PCYT1A: variants seen among roughly 807,000 people sequenced by gnomAD.
PCYT1A encodes choline-phosphate cytidylyltransferase A.
PCYT1A carries 25 observed loss-of-function variants against 43.7 expected under a neutral mutation model. That is an observed-to-expected ratio of 0.57 (90% CI 0.42 to 0.80). PCYT1A has a LOEUF of 0.80. PCYT1A is among the 30% of genes least tolerant of loss of function. The pLI is 0.00. For synonymous variants in PCYT1A, 172 were observed against 170.7 expected, an observed-to-expected ratio of 1.01 and a Z score of -0.06; for missense variants, 421 against 474.2, an observed-to-expected ratio of 0.89 and a Z score of 1.04.
At position 196,235,550 on chromosome 3, in the gene PCYT1A, T is replaced by G. The variant is rs1249870471; in HGVS notation, c.*3138A>C. 6.6e-6 allele frequency: 1 copy of G among 152,282 alleles called. No individual in the cohort carries two copies. Among genetic ancestry groups the G allele is most frequent in the Non-Finnish European group, 1.5e-5 (1 of 68,070 alleles). The allele number at this position is 152,282 out of a possible 1,614,324, so 9.4% of individuals were successfully genotyped here. A position where few individuals can be genotyped will look rare whatever the true frequency, so the allele number is the denominator to read the frequency against. ...TAGTCCTCTAAAGTGTCAACCTCCA[T>G]TCTTCAGTGCTTCTGAATCTAGCAT... On this transcript the variant is annotated 3_prime_UTR_variant, in exon 9 of 9. Coordinates refer to ENST00000431016, the MANE Select transcript of PCYT1A (RefSeq NM_001312673.2). The surrounding 1 kb of genome is among the most constrained non-coding windows in gnomAD (Gnocchi z 4.3).
intron 2 of PCYT1A, among the ~76,000 whole-genome samples, chr3:196,264,786 T>C (rs545659347): frequency 6.6e-6 from 1 of 152,366 alleles, no homozygotes; most frequent in Admixed American, 6.5e-5. Flanking sequence ...CGTATCATAA[T>C]TTCATACTGT....
At chr3:196,246,368 CT>C (rs1560164268) in intron 5 of PCYT1A, among the ~76,000 whole-genome samples, 2 of 151,820 alleles carry the variant, frequency 1.3e-5, no homozygotes, top group South Asian at 2.1e-4. Context: ...TCCTTCTCAT[CT>C]TTTGTACCCA....
chr3:196,240,049 C>T (rs981737703), intron 7 of PCYT1A: 20 of 300,302 alleles, frequency 6.7e-5, no homozygotes, highest in Non-Finnish European at 8.7e-5. Context: ...CATAAACATG[C>T]GCAGCATGGC....
intron 4 of PCYT1A, 31 bp downstream of exon 4, chr3:196,248,176 C>T (rs1172732993): frequency 1.7e-6 from 2 of 1,182,412 alleles, no homozygotes; most frequent in Non-Finnish European, 2.5e-6. Context: ...TTTTTCTGCA[C>T]AGCACCTGAA....
At chr3:196,244,633 G>A (rs879764175) in intron 5 of PCYT1A, among the ~76,000 whole-genome samples, 18 of 152,208 alleles carry the variant, frequency 1.2e-4, no homozygotes, top group Non-Finnish European at 1.9e-4. Context: ...TGACGATGGC[G>A]GTTTTGTCGA....
At chr3:196,286,492 G>C (rs572188076) in intron 1 of PCYT1A, among the ~76,000 whole-genome samples, 1 of 152,298 alleles carries the variant, frequency 6.6e-6, no homozygotes, top group East Asian at 1.9e-4. Context: ...TACACTTTGA[G>C]ATGTACAAAA....
intron 3 of PCYT1A, among the ~76,000 whole-genome samples, chr3:196,255,550 C>T (rs1194237488): frequency 1.3e-5 from 2 of 151,968 alleles, no homozygotes; most frequent in African/African-American, 2.4e-5. Flanking sequence ...GGAAACAGGC[C>T]CGGCACGGTG....
At chr3:196,258,459 T>C (rs921190939) in intron 2 of PCYT1A, among the ~76,000 whole-genome samples, 13 of 152,214 alleles carry the variant, frequency 8.5e-5, no homozygotes, top group Non-Finnish European at 1.2e-4. Flanking sequence ...ATATTGATCT[T>C]ATGTCCTATA....
At chr3:196,248,042 C>T in intron 4 of PCYT1A, 165 bp downstream of exon 4, 2 of 633,434 alleles carry the variant, frequency 3.2e-6, no homozygotes, top group Non-Finnish European at 5.7e-6. Context: ...CTCCTCTCTC[C>T]AGGTTTAGTT....
chr3:196,265,359 G>A (rs188076786), intron 2 of PCYT1A, among the ~76,000 whole-genome samples: 50 of 152,020 alleles, frequency 3.3e-4, no homozygotes, highest in African/African-American at 1.1e-3. Context: ...AGCCACTTGC[G>A]CCCAGCCTGA....
At chr3:196,271,032 T>C (rs945534414) in intron 1 of PCYT1A, among the ~76,000 whole-genome samples, 2 of 144,646 alleles carry the variant, frequency 1.4e-5, no homozygotes, top group Non-Finnish European at 1.5e-5. Context: ...TTCTTAACTC[T>C]AATTTTTTTT....
intron 2 of PCYT1A, among the ~76,000 whole-genome samples, chr3:196,263,666 C>T (rs907120865): frequency 6.6e-6 from 1 of 152,138 alleles, no homozygotes; most frequent in African/African-American, 2.4e-5. Flanking sequence ...CAGAGTCTTG[C>T]TCTGTCGCCA....
chr3:196,281,844 C>T (rs2108783478), intron 1 of PCYT1A, among the ~76,000 whole-genome samples: 1 of 152,284 alleles, frequency 6.6e-6, no homozygotes, highest in African/African-American at 2.4e-5. Context: ...ACTACAGGCA[C>T]ATGCCACTAC....
chr3:196,284,596 G>A (rs58297632), intron 1 of PCYT1A, among the ~76,000 whole-genome samples: 42,613 of 152,058 alleles, frequency 0.28, 7,009 homozygotes, highest in East Asian at 0.81. Flanking sequence ...TCTATCTGAC[G>A]AGGTCATTCT....
chr3:196,255,295 G>A (rs1209350097), intron 3 of PCYT1A, among the ~76,000 whole-genome samples: 1 of 152,140 alleles, frequency 6.6e-6, no homozygotes, highest in East Asian at 1.9e-4. Context: ...CTATTCTAAT[G>A]CTTACAATGA....
Position 196,257,783 on chromosome 3 carries a change from C to T in PCYT1A, c.217+5G>A. ...AAACAACAAATTAAGAAGGTATTTA[C>T]TTACAAGGAGTTCCTCTGCTGGCTT... On this transcript the variant is annotated splice_donor_5th_base_variant and intron_variant, in intron 3 of 8. Transcript: ENST00000431016. 2 of 1,535,244 alleles carry T rather than the reference C, an allele frequency of 1.3e-6. No individual in the cohort carries two copies. The highest frequency in any genetic ancestry group is 1.8e-6 in the Non-Finnish European group (2 of 1,108,716).
At position 196,237,264 on chromosome 3, in the gene PCYT1A, G is replaced by T. The variant is rs979661827; in HGVS notation, c.*1424C>A. 6.6e-6 allele frequency: 1 copy of T among 152,308 alleles called. No individual in the cohort carries two copies. The highest frequency in any genetic ancestry group is 2.4e-5 in the African/African-American group (1 of 41,478). The allele number at this position is 152,308 out of a possible 1,614,324, so 9.4% of individuals were successfully genotyped here. The stretch of plus-strand genomic sequence containing the variant: ...GATGGGTGATGATCTGCTAGGCCGC[G>T]TAGCTAAGCAGCTAAGGAGACAGGA... On this transcript the variant is annotated 3_prime_UTR_variant, in exon 9 of 9. Coordinates refer to ENST00000431016, the MANE Select transcript of PCYT1A (RefSeq NM_001312673.2).
At position 196,238,506 on chromosome 3, in the gene PCYT1A, T is replaced by G; in HGVS notation, c.*182A>C. 1 of 436,224 alleles carries G rather than the reference T, an allele frequency of 2.3e-6. No homozygotes were observed. The allele number at this position is 436,224 out of a possible 1,614,324, so 27.0% of individuals were successfully genotyped here. On this transcript the variant is annotated 3_prime_UTR_variant, in exon 9 of 9. Coordinates refer to ENST00000431016, the MANE Select transcript of PCYT1A (RefSeq NM_001312673.2). Reference sequence around the variant, plus strand: ...GTGCAGTCCCCCTCCTTCGTGTGGGTGAGTGATGTCACTTGCAGGACAGGC... The same window carrying G: ...GTGCAGTCCCCCTCCTTCGTGTGGGGGAGTGATGTCACTTGCAGGACAGGC...
intron 2 of PCYT1A, among the ~76,000 whole-genome samples, chr3:196,259,333 T>A (rs1243995557): frequency 6.8e-6 from 1 of 146,376 alleles, no homozygotes; most frequent in Non-Finnish European, 1.5e-5. Context: ...TAGGAAATTG[T>A]CTATTACATT....
Sources: gnomAD v4.1 joint callset for allele counts (sites outside exome capture counted in the v4.1 genomes callset) on GRCh38, gnomAD v4.1.1 for gene constraint, Gnocchi (gnomAD v3.1) non-coding constraint, MANE v1.5 for transcripts, NCBI Gene and HGNC (gene_info 2026-07-23, HGNC 2026-07-21) for gene names.